CUL9: variants seen among roughly 807,000 people sequenced by gnomAD.
CUL9 encodes cullin-9.
A neutral mutation model predicts 272.6 loss-of-function variants in CUL9; 79 were observed. That is an observed-to-expected ratio of 0.29 (90% CI 0.24 to 0.35). The LOEUF is 0.35. Among genes scored for constraint, CUL9 ranks in the 10% least tolerant of loss-of-function variants. The pLI is 1.00. For synonymous variants in CUL9, 1,186 were observed against 1,286.5 expected (o/e 0.92, Z 1.67); for missense variants, 2,532 against 3,255.6 (o/e 0.78, Z 5.41).
chr6:43,201,262 A>G (rs1291816373), intron 16 of CUL9, among the ~76,000 whole-genome samples: 1 of 152,210 alleles, frequency 6.6e-6, no homozygotes, highest in African/African-American at 2.4e-5. Context: ...TGTGGTCCAC[A>G]TGTGGACCTG....
intron 9 of CUL9, 27 bp downstream of exon 9, chr6:43,193,235 G>C (rs1457574447): frequency 1.2e-6 from 2 of 1,606,690 alleles, no homozygotes; most frequent in Admixed American, 3.3e-5. Flanking sequence ...TGGCGGGAGA[G>C]AACAATGGGC....
rs111787356 is a variant in CUL9 at position 43,190,094 on chromosome 6, A to G, written c.2180+1379A>G. Among the ~76,000 whole-genome samples the G allele has an allele frequency of 4.0e-5, 6 of 151,532 alleles. 2 individuals carry two copies. Among genetic ancestry groups the G allele is most frequent in the African/African-American group, 1.2e-4 (5 of 41,274 alleles). ...TGGGTGGAGCTGCCTCATTATTTTT[A>G]CTGCTGCATGGGACCCTGCAGTGTG... On this transcript the variant is annotated intron_variant, in intron 8 of 40. Transcript: ENST00000252050.
At chr6:43,186,860 C>G in intron 4 of CUL9, 100 bp from the exon 5 acceptor site, 1 of 1,444,494 alleles carries the variant, frequency 6.9e-7, no homozygotes, top group Non-Finnish European at 9.4e-7. Flanking sequence ...GGGTGCGCCC[C>G]AGATCTATGC....
chr6:43,222,122 A>G, intron 35 of CUL9, 194 bp from the exon 36 acceptor site: 2 of 616,688 alleles, frequency 3.2e-6, no homozygotes, highest in Non-Finnish European at 5.8e-6. Flanking sequence ...GAGCAAGTTC[A>G]TTTACTTCTC....
rs1774826498 is a variant in CUL9, at chr6:43,203,766, G to A, written c.4026-88G>A. 1 of 1,537,302 alleles carries A rather than the reference G, an allele frequency of 6.5e-7. No individual in the cohort carries two copies. Among genetic ancestry groups the A allele is most frequent in the Non-Finnish European group, 8.8e-7 (1 of 1,138,180 alleles). ...GAAAAGTTGGGTCAGGGACCGAACA[G>A]GGGTGATTGGGAGCTGATCTGCACT... On this transcript the variant is annotated intron_variant, in intron 19 of 40. Transcript: ENST00000252050. This position sits in a 1 kb window ranked among gnomAD's most constrained non-coding sequence, Gnocchi z 5.0.
chr6:43,220,422 ACTGT>A lies in CUL9; in HGVS notation c.6283-32_6283-29del, dbSNP rs1258677364. On this transcript the variant is annotated intron_variant, in intron 31 of 40. Transcript: ENST00000252050. This position sits in a 1 kb window ranked among gnomAD's most constrained non-coding sequence, Gnocchi z 4.9. Reference sequence around the variant, plus strand: ...GACACTCCCCCTGTGCTGCTCCCACACTGTCTGTGAGCAGCCCCTCCTTTTGTCC... The same window carrying A: ...GACACTCCCCCTGTGCTGCTCCCACACTGTGAGCAGCCCCTCCTTTTGTCC... The A allele has an allele frequency of 1.9e-6, 3 of 1,612,034 alleles. No individual in the cohort carries two copies. The highest frequency in any genetic ancestry group is 1.1e-5 in the South Asian group (1 of 90,838).
Position 43,221,298 on chromosome 6 carries a change from CG to C in CUL9, c.6730del (p.Glu2244ArgfsTer9). 6.2e-7 allele frequency: 1 copy of C among 1,607,078 alleles called. No homozygotes were observed. The highest frequency in any genetic ancestry group is 2.2e-5 in the East Asian group (1 of 44,834). On this transcript the variant is annotated frameshift_variant, in exon 34 of 41. Coordinates refer to ENST00000252050, the MANE Select transcript of CUL9 (RefSeq NM_015089.4). LOFTEE classifies it high-confidence loss of function. This position sits in a 1 kb window ranked among gnomAD's most constrained non-coding sequence, Gnocchi z 4.2. ...KRCPSCQAPIEKNEGCLHMTC... is the reference protein window; with the variant it reads ...KRCPSCQAPIXKNEGCLHMTC... ...GCTGTCCCAGCTGTCAGGCTCCCAT[CG>C]AGAAGAACGAGGGGTGCCTGCAGTA...
At chr6:43,196,036 C>G (rs771593775) in intron 9 of CUL9, 33 bp from the exon 10 acceptor site, 3 of 1,584,344 alleles carry the variant, frequency 1.9e-6, no homozygotes, top group African/African-American at 2.7e-5. Context: ...GACTCTGCCC[C>G]CTCCTCACTC....
chr6:43,213,376 A>C lies in CUL9; in HGVS notation c.5359-62A>C. The C allele has an allele frequency of 4.3e-6, 7 of 1,610,084 alleles. No homozygotes were observed. Among genetic ancestry groups the C allele is most frequent in the Non-Finnish European group, 5.9e-6 (7 of 1,177,206 alleles). The stretch of plus-strand genomic sequence containing the variant: ...TCCTCCTAAACCCTGTTCCTCCTTC[A>C]TCCTTACTCCCCTCTTCCTTTTCTT... On this transcript the variant is annotated intron_variant, in intron 27 of 40. Transcript: ENST00000252050. This position sits in a 1 kb window ranked among gnomAD's most constrained non-coding sequence, Gnocchi z 5.7.
intron 8 of CUL9, among the ~76,000 whole-genome samples, chr6:43,190,879 C>T (rs1007481829): frequency 3.3e-5 from 5 of 152,164 alleles, no homozygotes; most frequent in East Asian, 1.9e-4. Flanking sequence ...TGACCCTCAC[C>T]GTGATCTAGG....
At position 43,200,530 on chromosome 6, in the gene CUL9, A is replaced by G; in HGVS notation, c.3475+4A>G. On this transcript the variant is annotated splice_donor_region_variant and intron_variant, in intron 15 of 40. Coordinates refer to ENST00000252050, the MANE Select transcript of CUL9 (RefSeq NM_015089.4). This position sits in a 1 kb window ranked among gnomAD's most constrained non-coding sequence, Gnocchi z 4.0. ...TTCCTCAGGCATCTCTGCCAGGGTT[A>G]GTGCCCTCATCTGCTTTCTCCTGGC... The G allele has an allele frequency of 6.2e-7, 1 of 1,614,164 alleles. No individual in the cohort carries two copies. The highest frequency in any genetic ancestry group is 1.1e-5 in the South Asian group (1 of 91,080).
At chr6:43,182,409 T>G in intron 1 of CUL9, among the ~76,000 whole-genome samples, 160 bp downstream of exon 1, 2 of 142,288 alleles carry the variant, frequency 1.4e-5, no homozygotes, top group African/African-American at 2.6e-5. Flanking sequence ...CCAACCATCC[T>G]TCCCCCTCCC....
At position 43,223,284 on chromosome 6, in the gene CUL9, A is replaced by T; in HGVS notation, c.7171A>T (p.Arg2391Ter). 1 of 1,599,650 alleles carries T rather than the reference A, an allele frequency of 6.3e-7. No homozygotes were observed. The highest frequency in any genetic ancestry group is 1.1e-5 in the South Asian group (1 of 88,382). ...TGCAGAGGAAACCCTGCTGCGGTGCAGAGACCTGGCCTCCTCCCTGCGCCT... is the reference window on the plus strand; with the variant it reads ...TGCAGAGGAAACCCTGCTGCGGTGCTGAGACCTGGCCTCCTCCCTGCGCCT... ...ILLEETLLRC[R>*]DLASSLRLLR... Residue 2391 changes from arginine (R) to a stop codon, truncating the protein, a stop_gained, in exon 39 of 41, where the codon AGA (arginine) becomes TGA (stop). Transcript: ENST00000252050. LOFTEE classifies it high-confidence loss of function. The surrounding 1 kb of genome is among the most constrained non-coding windows in gnomAD (Gnocchi z 4.1).
chr6:43,204,594 C>T, intron 21 of CUL9, 55 bp downstream of exon 21: 1 of 1,604,194 alleles, frequency 6.2e-7, no homozygotes, highest in Non-Finnish European at 8.5e-7. Flanking sequence ...GTGTATCTGG[C>T]TCCCTCCTCC....
chr6:43,185,920 A>G (rs1772869340), intron 3 of CUL9, 35 bp from the exon 4 acceptor site: 1 of 1,555,400 alleles, frequency 6.4e-7, no homozygotes, highest in African/African-American at 1.4e-5. Context: ...AAAGCCAGGA[A>G]GAGATGAACC....
Position 43,223,232 on chromosome 6 carries a change from G to A in CUL9, c.7151-32G>A, listed in dbSNP as rs1189070512. On this transcript the variant is annotated intron_variant, in intron 38 of 40. Transcript: ENST00000252050. This position sits in a 1 kb window ranked among gnomAD's most constrained non-coding sequence, Gnocchi z 4.1. ...GGAAGGAATGGATGAGAATGAGAAG[G>A]GAGGGAGCCTCTGTGCCTGCCCCCT... 6.4e-7 allele frequency: 1 copy of A among 1,570,250 alleles called. No homozygotes were observed. The highest frequency in any genetic ancestry group is 8.7e-7 in the Non-Finnish European group (1 of 1,153,602).
At chr6:43,198,184 T>C in intron 11 of CUL9, 2 of 828,366 alleles carry the variant, frequency 2.4e-6, no homozygotes, top group Non-Finnish European at 2.9e-6. Context: ...GAGGTCACAG[T>C]GAGCCAAGAT....
intron 11 of CUL9, among the ~76,000 whole-genome samples, chr6:43,197,491 GT>G (rs200894477): frequency 4.6e-5 from 7 of 150,772 alleles, no homozygotes; most frequent in African/African-American, 9.8e-5. Flanking sequence ...AGCTTAACTG[GT>G]TTTTTTTTGG....
At chr6:43,217,471 A>G in intron 31 of CUL9, among the ~76,000 whole-genome samples, 1 of 152,184 alleles carries the variant, frequency 6.6e-6, no homozygotes, top group Non-Finnish European at 1.5e-5. Flanking sequence ...GAGAACCTGG[A>G]GCACTGAGTC....
Sources: gnomAD v4.1 joint callset for allele counts (sites outside exome capture counted in the v4.1 genomes callset) on GRCh38, gnomAD v4.1.1 for gene constraint, Gnocchi (gnomAD v3.1) non-coding constraint, MANE v1.5 for transcripts, NCBI Gene and HGNC (gene_info 2026-07-23, HGNC 2026-07-21) for gene names.